The following PDE1C variants were observed in gnomAD, a reference collection of about 807,000 sequenced individuals.
PDE1C encodes the protein dual specificity calcium/calmodulin-dependent 3',5'-cyclic nucleotide phosphodiesterase 1C.
In PDE1C, 62 loss-of-function variants were observed where a neutral mutation model predicts 93.1. The observed-to-expected ratio is 0.67, with a 90% confidence interval of 0.54 to 0.82. PDE1C has a LOEUF of 0.82. PDE1C is among the 40% of genes least tolerant of loss of function. The pLI, the probability that PDE1C is intolerant of heterozygous loss-of-function variation, is 0.00. For missense variants in PDE1C, 742 were observed against 884.6 expected (o/e 0.84, Z 2.04); for synonymous variants, 325 against 310.1 (o/e 1.05, Z -0.50).
At position 31,935,284 on chromosome 7, in the gene PDE1C, C is replaced by T. The variant is rs980415821; in HGVS notation, c.129-54424G>A. Among the ~76,000 whole-genome samples, 5 of 152,276 alleles carry T rather than the reference C, an allele frequency of 3.3e-5. No homozygotes were observed. In the East Asian group the frequency reaches 5.8e-4, roughly 18 times the overall value. ...TGAAATCAGTGCTTTTGAAAACCCACTTGGCTGACAGCCCTGAGCCTGGGG... is the reference window on the plus strand; with the variant it reads ...TGAAATCAGTGCTTTTGAAAACCCATTTGGCTGACAGCCCTGAGCCTGGGG... On this transcript the variant is annotated intron_variant, in intron 2 of 17. Transcript: ENST00000396191.
At position 31,753,265 on chromosome 7, in the gene PDE1C, A is replaced by G. The variant is rs555527455; in HGVS notation, c.*119T>C. On this transcript the variant is annotated 3_prime_UTR_variant, in exon 18 of 18. Coordinates refer to ENST00000396191, the MANE Select transcript of PDE1C (RefSeq NM_001191057.4). ...TCATTTCACCTTGGTGGAGTCAACC[A>G]GGATAGTACCTGCTCCAACAGCCTC... 22 of 1,262,514 alleles carry G rather than the reference A, an allele frequency of 1.7e-5. No homozygotes were observed. The highest frequency in any genetic ancestry group is 2.2e-5 in the Non-Finnish European group (20 of 927,198). 78.2% of individuals were successfully genotyped at this position (1,262,514 alleles called of 1,614,324 possible).
At chr7:32,192,710 T>C (rs1489435678) in intron 2 of PDE1C, among the ~76,000 whole-genome samples, 1 of 152,160 alleles carries the variant, frequency 6.6e-6, no homozygotes, top group Non-Finnish European at 1.5e-5. Flanking sequence ...CTCTCATCTA[T>C]ATAAAAAATC....
chr7:32,122,688 C>T (rs1424873153), intron 3 of PDE1C, among the ~76,000 whole-genome samples: 3 of 152,104 alleles, frequency 2.0e-5, no homozygotes, highest in Non-Finnish European at 2.9e-5. Context: ...CACAGCATAC[C>T]AGAATCTCTG....
At chr7:32,214,038 C>T (rs769757547) in intron 1 of PDE1C, among the ~76,000 whole-genome samples, 31 of 152,014 alleles carry the variant, frequency 2.0e-4, no homozygotes, top group Non-Finnish European at 4.0e-4. Flanking sequence ...TTGGCTATTG[C>T]TCTCTTTCAA....
intron 16 of PDE1C, among the ~76,000 whole-genome samples, chr7:31,795,539 A>G (rs1369599838): frequency 1.3e-5 from 2 of 151,916 alleles, no homozygotes; most frequent in Non-Finnish European, 2.9e-5. Flanking sequence ...AGTATCTAGA[A>G]GACAGAGTGA....
chr7:32,112,402 T>G (rs1013161097), intron 3 of PDE1C, among the ~76,000 whole-genome samples: 1 of 152,154 alleles, frequency 6.6e-6, no homozygotes, highest in African/African-American at 2.4e-5. Context: ...CTGCAACACA[T>G]TTTATTGAGA....
intron 2 of PDE1C, among the ~76,000 whole-genome samples, chr7:32,188,885 AC>A (rs1302411965): frequency 6.6e-6 from 1 of 152,182 alleles, no homozygotes; most frequent in African/African-American, 2.4e-5. Context: ...CTATTTGGGC[AC>A]CATTTACTTG....
At chr7:32,130,188 C>A (rs1181894888) in intron 3 of PDE1C, among the ~76,000 whole-genome samples, 1 of 152,070 alleles carries the variant, frequency 6.6e-6, no homozygotes, top group Non-Finnish European at 1.5e-5. Flanking sequence ...GAAAAGTTAT[C>A]CCTTTCGCAT....
intron 2 of PDE1C, among the ~76,000 whole-genome samples, chr7:31,937,621 C>T (rs1805275922): frequency 6.6e-6 from 1 of 152,074 alleles, no homozygotes. Flanking sequence ...GTTTACAGTT[C>T]CACGAATGAA....
chr7:31,743,058 T>A, the PDE1C span, among the ~76,000 whole-genome samples: 1 of 151,874 alleles, frequency 6.6e-6, no homozygotes, highest in East Asian at 1.9e-4. Context: ...AATTCCTCCC[T>A]ATCTCTATAG....
At chr7:32,206,673 C>T (rs975109733) in intron 2 of PDE1C, among the ~76,000 whole-genome samples, 1 of 152,174 alleles carries the variant, frequency 6.6e-6, no homozygotes. Context: ...CATGCGGCAC[C>T]CATGTGAGGT....
the PDE1C span, chr7:31,686,666 A>AATG: frequency 6.6e-6 from 1 of 152,162 alleles, no homozygotes; most frequent in African/African-American, 2.4e-5. Context: ...TCATCAATAA[A>AATG]ATGGGATGAT....
intron 7 of PDE1C, among the ~76,000 whole-genome samples, chr7:31,852,224 A>G (rs1793431978): frequency 6.6e-6 from 1 of 152,244 alleles, no homozygotes; most frequent in African/African-American, 2.4e-5. Context: ...AAAATACTTC[A>G]GAGTGAGCAT....
intron 2 of PDE1C, among the ~76,000 whole-genome samples, chr7:31,927,091 C>A (rs1199338733): frequency 6.6e-6 from 1 of 152,186 alleles, no homozygotes; most frequent in Non-Finnish European, 1.5e-5. Context: ...GCACAGCAAT[C>A]TGAAGTTGAC....
the PDE1C span, among the ~76,000 whole-genome samples, chr7:31,638,312 T>A: frequency 1.3e-5 from 2 of 152,170 alleles, no homozygotes; most frequent in South Asian, 4.1e-4. Context: ...AATAAATATA[T>A]AGTGAGTATA....
chr7:31,773,382 T>C (rs1167762666), intron 17 of PDE1C, among the ~76,000 whole-genome samples: 1 of 152,034 alleles, frequency 6.6e-6, no homozygotes, highest in Non-Finnish European at 1.5e-5. Flanking sequence ...GCAGAGCAAG[T>C]GGGTCCCAGG....
the PDE1C span, among the ~76,000 whole-genome samples, chr7:31,730,310 C>A: frequency 1.3e-5 from 2 of 152,168 alleles, no homozygotes; most frequent in African/African-American, 4.8e-5. Flanking sequence ...GGAATGCTGA[C>A]CTCCATCTCA....
chr7:31,739,216 C>CACACAT, the PDE1C span, among the ~76,000 whole-genome samples: 7 of 150,576 alleles, frequency 4.6e-5, no homozygotes. Flanking sequence ...CACACACACA[C>CACACAT]ACACACACAC....
At chr7:31,866,002 T>A (rs1795249341) in intron 6 of PDE1C, among the ~76,000 whole-genome samples, 1 of 152,174 alleles carries the variant, frequency 6.6e-6, no homozygotes, top group Non-Finnish European at 1.5e-5. Flanking sequence ...TGTTTTGTCG[T>A]CTGAAATATG....
Sources: allele counts gnomAD v4.1 joint callset (sites outside exome capture counted in the v4.1 genomes callset), GRCh38; gene constraint gnomAD v4.1.1; transcripts MANE v1.5; gene names NCBI Gene and HGNC (gene_info 2026-07-23, HGNC 2026-07-21).